The following SLC11A2 variants were observed in gnomAD, a reference collection of about 807,000 sequenced individuals.
SLC11A2 encodes solute carrier family 11 member 2.
A neutral mutation model predicts 68.0 loss-of-function variants in SLC11A2; 38 were observed. The ratio of observed to expected loss-of-function variants is 0.56; its 90% CI spans 0.43 to 0.73. The LOEUF is 0.73. SLC11A2 is among the 30% of genes least tolerant of loss of function. SLC11A2 has a pLI of 0.00. For missense variants in SLC11A2, 517 were observed against 690.5 expected, an observed-to-expected ratio of 0.75 and a Z score of 2.82; for synonymous variants, 242 against 250.6, an observed-to-expected ratio of 0.97 and a Z score of 0.32.
the SLC11A2 span, among the ~76,000 whole-genome samples, chr12:50,968,356 G>A: frequency 1.4e-4 from 21 of 152,190 alleles, no homozygotes; most frequent in Admixed American, 3.3e-4. Flanking sequence ...CCAACTTACC[G>A]TAATCTCCAC....
chr12:50,956,524 T>C, the SLC11A2 span, among the ~76,000 whole-genome samples: 1 of 152,352 alleles, frequency 6.6e-6, no homozygotes, highest in East Asian at 1.9e-4. Context: ...TTTTTGTTGG[T>C]TATCTTAAGC....
rs1383503493 is a variant in SLC11A2, at chr12:50,990,842, C to A, written c.1528G>T (p.Val510Leu). Reference sequence around the variant, plus strand: ...TAAGCCACGCTGACCACAGCAGCCACCACATATAATGCCACATGCCCTAGG... The same window carrying A: ...TAAGCCACGCTGACCACAGCAGCCAACACATATAATGCCACATGCCCTAGG... Reference protein sequence around the residue: ...RDLGHVALYVVAAVVSVAYLG... With the variant: ...RDLGHVALYVLAAVVSVAYLG... The change falls in exon 15 of 16, where the codon GTG becomes TTG. Residue 510 changes from valine (V) to leucine (L), a missense_variant. By Grantham distance (32) the Val-to-Leu change is conservative (BLOSUM62 1). Coordinates refer to ENST00000262052, the MANE Select transcript of SLC11A2 (RefSeq NM_000617.3). The A allele has an allele frequency of 1.2e-6, 2 of 1,614,114 alleles. No homozygotes were observed.
chr12:50,982,974 C>G (rs570452695), downstream of SLC11A2, among the ~76,000 whole-genome samples: 30 of 151,282 alleles, frequency 2.0e-4, no homozygotes, highest in Middle Eastern at 0.014. Context: ...ATTCCAGACT[C>G]CACTCCTAAA....
At chr12:51,028,836 G>C (rs1944474278), upstream of SLC11A2, among the ~76,000 whole-genome samples, 1 of 152,110 alleles carries the variant, frequency 6.6e-6, no homozygotes, top group African/African-American at 2.4e-5. Flanking sequence ...AGTGATCCAC[G>C]AGCAGACATC....
downstream of SLC11A2, among the ~76,000 whole-genome samples, chr12:50,978,161 TA>T: frequency 6.6e-6 from 1 of 151,908 alleles, no homozygotes; most frequent in South Asian, 2.1e-4. Flanking sequence ...CAAAGGATTA[TA>T]AATCATGCTG....
the SLC11A2 span, among the ~76,000 whole-genome samples, chr12:50,957,018 T>C: frequency 3.9e-5 from 6 of 152,020 alleles, no homozygotes; most frequent in Non-Finnish European, 1.5e-5. Context: ...TTTATGTCTG[T>C]AGCACATTAG....
At chr12:50,983,640 G>A (rs1592291776), downstream of SLC11A2, among the ~76,000 whole-genome samples, 1 of 152,030 alleles carries the variant, frequency 6.6e-6, no homozygotes, top group Non-Finnish European at 1.5e-5. Flanking sequence ...GAGTTCGAGA[G>A]CAGCCTGACC....
chr12:50,977,289 A>G (rs1939860754), downstream of SLC11A2, among the ~76,000 whole-genome samples: 1 of 152,236 alleles, frequency 6.6e-6, no homozygotes, highest in Non-Finnish European at 1.5e-5. Flanking sequence ...TACTGGTGCC[A>G]AAACAGAGAT....
At chr12:50,984,034 C>A (rs1940307917), downstream of SLC11A2, among the ~76,000 whole-genome samples, 1 of 151,354 alleles carries the variant, frequency 6.6e-6, no homozygotes, top group South Asian at 2.1e-4. Context: ...GAGGCTGAGG[C>A]AGGAGAATTG....
Position 51,000,335 on chromosome 12 carries a change from T to C in SLC11A2, c.514A>G (p.Ile172Val), listed in dbSNP as rs886049568. Residue 172 changes from isoleucine (I) to valine (V), a missense_variant, in exon 6 of 16, where the codon ATC becomes GTC. Ile to Val is a conservative substitution (Grantham distance 29). Transcript: ENST00000262052. The part of the protein sequence containing the change: ...MQEVIGSAIA[I>V]NLLSVGRIPL... ...CACCTTCCTACAGACAGAAGATTGA[T>C]AGCAATGGCTGAGCCAATGACTTCT... 6.2e-7 allele frequency: 1 copy of C among 1,613,058 alleles called. No individual in the cohort carries two copies.
chr12:51,010,190 A>G (rs1943091497), intron 2 of SLC11A2, among the ~76,000 whole-genome samples: 1 of 122,952 alleles, frequency 8.1e-6, no homozygotes, highest in Admixed American at 9.3e-5. Context: ...CTCCGCCTCA[A>G]AAAAAAAACC....
the SLC11A2 span, among the ~76,000 whole-genome samples, chr12:50,970,854 C>A: frequency 1.3e-5 from 2 of 151,254 alleles, no homozygotes; most frequent in South Asian, 4.2e-4. Context: ...ATAATGGTTA[C>A]AGAAGACTTC....
chr12:51,026,987 A>C (rs2136453140), upstream of SLC11A2, among the ~76,000 whole-genome samples: 1 of 152,056 alleles, frequency 6.6e-6, no homozygotes, highest in Middle Eastern at 3.4e-3. Flanking sequence ...GACCAGCCTG[A>C]CCAACATGGA....
At chr12:51,001,585 C>CAAAAAAAAA (rs57569917) in intron 5 of SLC11A2, among the ~76,000 whole-genome samples, 1 of 109,154 alleles carries the variant, frequency 9.2e-6, no homozygotes, top group Non-Finnish European at 2.0e-5. Context: ...CTTGCTTTCA[C>CAAAAAAAAA]AAAAAAAAAA....
chr12:51,015,478 A>G (rs1943577021), intron 1 of SLC11A2, among the ~76,000 whole-genome samples: 1 of 151,886 alleles, frequency 6.6e-6, no homozygotes, highest in Non-Finnish European at 1.5e-5. Flanking sequence ...CCATCTTATA[A>G]AAAATAAATA....
intron 15 of SLC11A2, among the ~76,000 whole-genome samples, chr12:50,989,049 G>A (rs545498904): frequency 3.3e-5 from 5 of 151,992 alleles, no homozygotes; most frequent in Non-Finnish European, 7.4e-5. Context: ...GTAAGTTCTC[G>A]GAAGTCCACT....
At chr12:50,989,132 A>G (rs917179147) in intron 15 of SLC11A2, among the ~76,000 whole-genome samples, 3 of 152,048 alleles carry the variant, frequency 2.0e-5, no homozygotes, top group African/African-American at 7.2e-5. Flanking sequence ...AAGCTGCTCT[A>G]TGAAGTTCCT....
chr12:50,986,776 T>G lies in SLC11A2; in HGVS notation c.*1549A>C. The G allele has an allele frequency of 7.8e-7, 1 of 1,287,044 alleles. No individual in the cohort carries two copies. The highest frequency in any genetic ancestry group is 1.2e-5 in the South Asian group (1 of 80,938). The allele number at this position is 1,287,044 out of a possible 1,614,324, so 79.7% of individuals were successfully genotyped here. Reference sequence around the variant, plus strand: ...ATATTACTTGAGGGGCTAAGAAAAATGTATGGTCAGTGAAACACAGTAGTG... The same window carrying G: ...ATATTACTTGAGGGGCTAAGAAAAAGGTATGGTCAGTGAAACACAGTAGTG... On this transcript the variant is annotated 3_prime_UTR_variant, in exon 16 of 16. Coordinates refer to ENST00000262052, the MANE Select transcript of SLC11A2 (RefSeq NM_000617.3).
chr12:51,024,153 A>G (rs1183896696), intron 1 of SLC11A2, among the ~76,000 whole-genome samples: 2 of 152,214 alleles, frequency 1.3e-5, no homozygotes, highest in Non-Finnish European at 2.9e-5. Flanking sequence ...GTTCCTAATA[A>G]TGCTATGTGT....
Sources: gnomAD v4.1 joint callset for allele counts (sites outside exome capture counted in the v4.1 genomes callset) on GRCh38, gnomAD v4.1.1 for gene constraint, MANE v1.5 for transcripts, NCBI Gene and HGNC (gene_info 2026-07-23, HGNC 2026-07-21) for gene names.